ZCCHC7: variants seen among roughly 807,000 people sequenced by gnomAD.
The protein encoded by ZCCHC7 is zinc finger CCHC domain-containing protein 7.
ZCCHC7 carries 35 observed loss-of-function variants against 52.0 expected under a neutral mutation model. The ratio of observed to expected loss-of-function variants is 0.67; its 90% CI spans 0.51 to 0.89. The LOEUF (loss-of-function observed/expected upper bound fraction) is 0.89, where lower values mean the gene tolerates loss of function less well. ZCCHC7 is among the 40% of genes least tolerant of loss of function. The probability of loss-of-function intolerance (pLI) is 0.00; values close to 1 mark genes in which losing one functional copy is unlikely to be tolerated. For synonymous variants in ZCCHC7, 217 were observed against 221.5 expected (o/e 0.98, Z 0.18); for missense variants, 574 against 649.1 (o/e 0.88, Z 1.26).
chr9:37,251,877 T>G (rs1826346497), intron 2 of ZCCHC7, among the ~76,000 whole-genome samples: 1 of 152,224 alleles, frequency 6.6e-6, no homozygotes, highest in South Asian at 2.1e-4. Flanking sequence ...AGGATTGTAT[T>G]GGGTCCCTTG....
intron 7 of ZCCHC7, among the ~76,000 whole-genome samples, chr9:37,350,119 GT>G (rs775985212): frequency 1.2e-3 from 148 of 119,144 alleles, no homozygotes; most frequent in East Asian, 1.5e-3. Context: ...TTTGGGGTTT[GT>G]TTTTTTTTTT....
intron 2 of ZCCHC7, among the ~76,000 whole-genome samples, chr9:37,142,347 G>T (rs917257546): frequency 1.3e-5 from 2 of 151,648 alleles, no homozygotes; most frequent in Non-Finnish European, 3.0e-5. Context: ...CTGCATATCT[G>T]TTAAGGACTT....
intron 7 of ZCCHC7, among the ~76,000 whole-genome samples, chr9:37,350,121 T>G (rs570560771): frequency 1.2e-4 from 17 of 136,072 alleles, no homozygotes; most frequent in Non-Finnish European, 2.2e-4. Context: ...TGGGGTTTGT[T>G]TTTTTTTTTT....
intron 8 of ZCCHC7, among the ~76,000 whole-genome samples, chr9:37,356,030 G>T (rs1022036286): frequency 4.6e-5 from 7 of 150,842 alleles, no homozygotes; most frequent in Admixed American, 2.6e-4. Flanking sequence ...ACCCATTTTG[G>T]TTTTTTTTTA....
chr9:37,190,756 G>A (rs1194548792), intron 2 of ZCCHC7, among the ~76,000 whole-genome samples: 2 of 152,120 alleles, frequency 1.3e-5, no homozygotes, highest in African/African-American at 4.8e-5. Flanking sequence ...GGTGGCTCAC[G>A]CCTGTAAATC....
intron 2 of ZCCHC7, among the ~76,000 whole-genome samples, chr9:37,207,769 T>A (rs997305773): frequency 6.6e-6 from 1 of 152,196 alleles, no homozygotes; most frequent in Non-Finnish European, 1.5e-5. Context: ...TTAAAAATAT[T>A]TCAGATACTA....
chr9:37,188,314 AT>A (rs149793998), intron 2 of ZCCHC7, among the ~76,000 whole-genome samples: 4 of 151,340 alleles, frequency 2.6e-5, no homozygotes, highest in East Asian at 1.9e-4. Flanking sequence ...TGCCTGACTA[AT>A]TTTTTTTATC....
intron 5 of ZCCHC7, among the ~76,000 whole-genome samples, chr9:37,315,631 A>T (rs1218232184): frequency 1.3e-5 from 2 of 151,878 alleles, no homozygotes; most frequent in African/African-American, 4.8e-5. Flanking sequence ...TCAGATATAA[A>T]GGAAGACATG....
chr9:37,239,761 C>A (rs1825802380), intron 2 of ZCCHC7, among the ~76,000 whole-genome samples: 1 of 152,018 alleles, frequency 6.6e-6, no homozygotes, highest in Admixed American at 6.6e-5. Context: ...ATCATATAAA[C>A]CTGATGTCCA....
At chr9:37,219,394 C>G (rs968188163) in intron 2 of ZCCHC7, among the ~76,000 whole-genome samples, 1 of 152,216 alleles carries the variant, frequency 6.6e-6, no homozygotes, top group Non-Finnish European at 1.5e-5. Flanking sequence ...GCACTAGGTA[C>G]TCGCTCACTA....
intron 2 of ZCCHC7, among the ~76,000 whole-genome samples, chr9:37,207,596 G>C (rs1359931582): frequency 6.8e-6 from 1 of 147,010 alleles, no homozygotes; most frequent in South Asian, 2.2e-4. Flanking sequence ...AATACATGTG[G>C]TAATCCGTTG....
intron 5 of ZCCHC7, among the ~76,000 whole-genome samples, chr9:37,309,348 T>C (rs1829486363): frequency 6.6e-6 from 1 of 152,146 alleles, no homozygotes; most frequent in Non-Finnish European, 1.5e-5. Context: ...AACCTGGGCC[T>C]CCACAGAAAA....
At chr9:37,315,696 C>A (rs1829786945) in intron 5 of ZCCHC7, among the ~76,000 whole-genome samples, 1 of 150,310 alleles carries the variant, frequency 6.7e-6, no homozygotes, top group Non-Finnish European at 1.5e-5. Context: ...TTTTTTAAGC[C>A]CATTATATTT....
chr9:37,234,521 C>T (rs1287665542), intron 2 of ZCCHC7, among the ~76,000 whole-genome samples: 3 of 152,174 alleles, frequency 2.0e-5, no homozygotes, highest in Non-Finnish European at 4.4e-5. Context: ...GGTGTACCCA[C>T]CTCCCTAATG....
intron 2 of ZCCHC7, among the ~76,000 whole-genome samples, chr9:37,233,499 C>T (rs1473591087): frequency 6.6e-6 from 1 of 152,166 alleles, no homozygotes; most frequent in Non-Finnish European, 1.5e-5. Flanking sequence ...TAATTGCATA[C>T]CAGTGTTAAA....
chr9:37,218,892 C>G (rs1440518535), intron 2 of ZCCHC7, among the ~76,000 whole-genome samples: 1 of 151,134 alleles, frequency 6.6e-6, no homozygotes, highest in East Asian at 1.9e-4. Flanking sequence ...TAGTGGGCAG[C>G]TCTGTAACTC....
At chr9:37,290,243 C>T (rs938453493) in intron 2 of ZCCHC7, among the ~76,000 whole-genome samples, 7 of 152,078 alleles carry the variant, frequency 4.6e-5, no homozygotes, top group African/African-American at 1.4e-4. Context: ...GAATAATAAA[C>T]GAATGGTAAA....
At chr9:37,152,722 T>C (rs1040092685) in intron 2 of ZCCHC7, among the ~76,000 whole-genome samples, 2 of 152,228 alleles carry the variant, frequency 1.3e-5, no homozygotes, top group Non-Finnish European at 2.9e-5. Flanking sequence ...ATCAGCATGA[T>C]TTGTCATTGA....
In ZCCHC7 at chr9:37,276,479, T is replaced by C. The variant is rs73646345; in HGVS notation, c.611-25709T>C. Among the ~76,000 whole-genome samples, 112 of 152,336 alleles carry C rather than the reference T, an allele frequency of 7.4e-4. 1 individual carries two copies. Among genetic ancestry groups the C allele is most frequent in the African/African-American group, 2.5e-3 (106 of 41,584 alleles). On this transcript the variant is annotated intron_variant, in intron 2 of 8. Transcript: ENST00000336755. ...GAGCTTCAGTTTACTTATCTGTAAA[T>C]AGGTGGTAATAATATCCATGTCATT...
Sources: allele counts gnomAD v4.1 joint callset (sites outside exome capture counted in the v4.1 genomes callset), GRCh38; gene constraint gnomAD v4.1.1; transcripts MANE v1.5; gene names NCBI Gene and HGNC (gene_info 2026-07-23, HGNC 2026-07-21).